RASAL2: variants seen among roughly 807,000 people sequenced by gnomAD.
RASAL2 encodes RAS protein activator like 2.
Under a neutral mutation model 128.9 loss-of-function variants are expected in RASAL2, and 58 were observed. The ratio of observed to expected loss-of-function variants is 0.45; its 90% CI spans 0.36 to 0.56. The LOEUF is 0.56. Ranked by LOEUF, RASAL2 falls within the 20% of genes least tolerant of loss-of-function variation. The probability of loss-of-function intolerance (pLI) is 0.00; values close to 1 mark genes in which losing one functional copy is unlikely to be tolerated. For synonymous variants in RASAL2, 561 were observed against 580.8 expected (o/e 0.97, Z 0.49); for missense variants, 1,360 against 1,601.6 (o/e 0.85, Z 2.57).
chr1:178,123,151 C>A (rs1659776992), intron 1 of RASAL2: 1 of 152,178 alleles, frequency 6.6e-6, no homozygotes, highest in African/African-American at 2.4e-5. Flanking sequence ...TATCTGGGAG[C>A]TGCCTAGGAA....
chr1:178,187,632 A>G (rs371260258), intron 1 of RASAL2, among the ~76,000 whole-genome samples: 2 of 152,182 alleles, frequency 1.3e-5, no homozygotes, highest in African/African-American at 4.8e-5. Flanking sequence ...TTGGGAAACA[A>G]TTTTTACATT....
intron 1 of RASAL2, among the ~76,000 whole-genome samples, chr1:178,262,121 A>G (rs1447828869): frequency 6.6e-6 from 1 of 152,144 alleles, no homozygotes; most frequent in African/African-American, 2.4e-5. Flanking sequence ...GAATATTCCA[A>G]GTATATTATT....
chr1:178,418,140 A>T (rs78571385), intron 4 of RASAL2, among the ~76,000 whole-genome samples: 3,568 of 152,170 alleles, frequency 0.023, 61 homozygotes, highest in Middle Eastern at 0.058. Flanking sequence ...TAGAGACACC[A>T]CCCTGCTATG....
chr1:178,464,551 T>G (rs1647441149), intron 15 of RASAL2, 139 bp downstream of exon 15: 1 of 880,818 alleles, frequency 1.1e-6, no homozygotes, highest in Non-Finnish European at 1.6e-6. Context: ...TACATATCTA[T>G]GTAAAATAGG....
chr1:178,214,560 ATTT>A (rs750648998), intron 1 of RASAL2, among the ~76,000 whole-genome samples: 1 of 141,304 alleles, frequency 7.1e-6, no homozygotes, highest in Non-Finnish European at 1.6e-5. Context: ...TGGACTATGT[ATTT>A]TTTTTTTTTT....
chr1:178,179,788 T>C (rs997538800), intron 1 of RASAL2, among the ~76,000 whole-genome samples: 1 of 152,182 alleles, frequency 6.6e-6, no homozygotes, highest in Non-Finnish European at 1.5e-5. Flanking sequence ...CTTATCACTG[T>C]CATTCATACA....
intron 14 of RASAL2, 118 bp downstream of exon 14, chr1:178,458,662 T>A: frequency 7.2e-7 from 1 of 1,389,246 alleles, no homozygotes; most frequent in Non-Finnish European, 9.6e-7. Context: ...AAAAGCAACC[T>A]TTAAATGGAA....
Position 178,458,251 on chromosome 1 carries a change from AGG to A in RASAL2, c.2960_2961del (p.Arg987ThrfsTer7). On this transcript the variant is annotated frameshift_variant, in exon 14 of 18. Transcript: ENST00000367649. LOFTEE classifies it high-confidence loss of function. Reference protein sequence around the residue: ...KRSTQSEDFSRRHTVPDRHIP... With the variant: ...KRSTQSEDFSXRHTVPDRHIP... ...TAGCACTCAGAGTGAGGACTTCTCC[AGG>A]CGGCACACGGTGCCAGATAGACACA... The A allele has an allele frequency of 1.2e-6, 2 of 1,614,272 alleles. No individual in the cohort carries two copies. The highest frequency in any genetic ancestry group is 1.7e-6 in the Non-Finnish European group (2 of 1,180,048).
Position 178,185,154 on chromosome 1 carries a change from G to A in RASAL2, c.202+90460G>A, listed in dbSNP as rs111935335. Among the ~76,000 whole-genome samples the A allele has an allele frequency of 2.5e-3, 382 of 151,156 alleles. 2 individuals carry two copies. The highest frequency in any genetic ancestry group is 0.011 in the South Asian group (52 of 4,796). ...TTCAAATTGTAGTTGTTTGTTGCTG[G>A]CATAAAGGAAATCAATAGTCTTTTG... On this transcript the variant is annotated intron_variant, in intron 1 of 17. Transcript: ENST00000367649.
intron 1 of RASAL2, among the ~76,000 whole-genome samples, chr1:178,279,612 T>C (rs1286851693): frequency 6.6e-6 from 1 of 152,142 alleles, no homozygotes; most frequent in Non-Finnish European, 1.5e-5. Context: ...GATCTGATAG[T>C]TTAAAACTAT....
chr1:178,416,502 CAATT>C (rs1222740989), intron 4 of RASAL2, among the ~76,000 whole-genome samples: 1 of 150,840 alleles, frequency 6.6e-6, no homozygotes. Context: ...AATATTAAAT[CAATT>C]AAGAAGAAAA....
intron 1 of RASAL2, among the ~76,000 whole-genome samples, chr1:178,166,131 C>G (rs1052836251): frequency 6.6e-6 from 1 of 152,130 alleles, no homozygotes; most frequent in Non-Finnish European, 1.5e-5. Context: ...AGACCTGTCC[C>G]TTGTGCTATA....
intron 15 of RASAL2, among the ~76,000 whole-genome samples, chr1:178,465,472 A>T (rs1189488819): frequency 6.6e-6 from 1 of 152,186 alleles, no homozygotes; most frequent in Non-Finnish European, 1.5e-5. Context: ...GATGACACAG[A>T]ATCTTTTTCT....
intron 1 of RASAL2, among the ~76,000 whole-genome samples, chr1:178,129,926 A>G (rs1420023502): frequency 6.6e-6 from 1 of 152,058 alleles, no homozygotes; most frequent in Non-Finnish European, 1.5e-5. Context: ...TCTTTTTGAC[A>G]CTAGTACATT....
intron 1 of RASAL2, among the ~76,000 whole-genome samples, chr1:178,270,627 C>CTTTTTTTTTTTTTTTTT (rs34462041): frequency 7.2e-6 from 1 of 138,436 alleles, no homozygotes; most frequent in African/African-American, 2.7e-5. Flanking sequence ...CTGTGTCTCT[C>CTTTTTTTTTTTTTTTTT]TTTTTTTTTT....
chr1:178,465,605 G>A (rs1338875314), intron 15 of RASAL2, among the ~76,000 whole-genome samples: 1 of 151,972 alleles, frequency 6.6e-6, no homozygotes, highest in African/African-American at 2.4e-5. Context: ...TTATAGCAAT[G>A]GTAGCCTAGT....
chr1:178,263,377 C>A (rs1665786057), intron 1 of RASAL2, among the ~76,000 whole-genome samples: 3 of 152,126 alleles, frequency 2.0e-5, no homozygotes. Flanking sequence ...CCACATTATT[C>A]CATTTTAAAG....
chr1:178,110,435 T>C (rs1659254574), intron 1 of RASAL2, among the ~76,000 whole-genome samples: 1 of 150,870 alleles, frequency 6.6e-6, no homozygotes, highest in Non-Finnish European at 1.5e-5. Context: ...TTACATAAAA[T>C]AGCTAATACA....
chr1:178,193,018 T>A (rs889466340), intron 1 of RASAL2, among the ~76,000 whole-genome samples: 6 of 152,110 alleles, frequency 3.9e-5, no homozygotes, highest in Non-Finnish European at 5.9e-5. Flanking sequence ...ATTATTTTTT[T>A]AAAAAAACAA....
Sources: gnomAD v4.1 joint callset for allele counts (sites outside exome capture counted in the v4.1 genomes callset) on GRCh38, gnomAD v4.1.1 for gene constraint, MANE v1.5 for transcripts, NCBI Gene and HGNC (gene_info 2026-07-23, HGNC 2026-07-21) for gene names.